Variants in CSMD1 observed in about 807,000 individuals in gnomAD.
CSMD1 encodes the protein CUB and sushi domain-containing protein 1.
CSMD1 carries 213 observed loss-of-function variants against 417.5 expected under a neutral mutation model. The observed-to-expected ratio is 0.51, with a 90% CI of 0.46 to 0.57. The LOEUF (loss-of-function observed/expected upper bound fraction) is 0.57, where lower values mean the gene tolerates loss of function less well. Ranked by LOEUF, CSMD1 falls within the 20% of genes least tolerant of loss-of-function variation. CSMD1 has a pLI of 0.00. For missense variants in CSMD1, 6,923 were observed against 4,529.7 expected (o/e 1.53, Z -15.17); for synonymous variants, 2,862 against 1,736.8 (o/e 1.65, Z -16.11).
chr8:3,090,760 A>G (rs76479395), intron 48 of CSMD1, among the ~76,000 whole-genome samples: 2 of 152,354 alleles, frequency 1.3e-5, no homozygotes, highest in South Asian at 2.1e-4. Flanking sequence ...AGATTTTGAG[A>G]AAAGTTTAGA....
chr8:4,362,635 C>A (rs1163336927), intron 3 of CSMD1, among the ~76,000 whole-genome samples: 1 of 152,080 alleles, frequency 6.6e-6, no homozygotes, highest in East Asian at 1.9e-4. Context: ...AGTTTGCTAC[C>A]CCCTCTACTG....
intron 21 of CSMD1, among the ~76,000 whole-genome samples, chr8:3,350,377 C>T (rs1808338374): frequency 6.6e-6 from 1 of 151,776 alleles, no homozygotes. Flanking sequence ...GTCAATAAAC[C>T]CCATTTACAG....
chr8:3,138,759 G>C (rs896793003), intron 41 of CSMD1, among the ~76,000 whole-genome samples: 7 of 152,202 alleles, frequency 4.6e-5, no homozygotes, highest in African/African-American at 1.7e-4. Flanking sequence ...TGAGAATCGA[G>C]ACAGAGAAAG....
chr8:4,953,336 T>C (rs1178987901), intron 1 of CSMD1, among the ~76,000 whole-genome samples: 1 of 152,172 alleles, frequency 6.6e-6, no homozygotes, highest in Non-Finnish European at 1.5e-5. Flanking sequence ...TTGTAACTTT[T>C]CATTAACAGA....
chr8:3,235,405 G>T (rs1208611004), intron 26 of CSMD1, among the ~76,000 whole-genome samples: 1 of 152,036 alleles, frequency 6.6e-6, no homozygotes, highest in Non-Finnish European at 1.5e-5. Context: ...GAATTTTAAC[G>T]GATATATCAG....
chr8:4,290,129 A>C (rs1359530393), intron 3 of CSMD1, among the ~76,000 whole-genome samples: 1 of 152,210 alleles, frequency 6.6e-6, no homozygotes. Context: ...AAATACAAAC[A>C]GGCAGGGAGT....
intron 1 of CSMD1, among the ~76,000 whole-genome samples, chr8:4,742,821 A>G (rs1280731465): frequency 2.0e-5 from 3 of 152,220 alleles, no homozygotes; most frequent in African/African-American, 7.2e-5. Flanking sequence ...ATTTTTCTGT[A>G]GAGCATTTTT....
chr8:4,365,442 A>G (rs1212795019), intron 3 of CSMD1, among the ~76,000 whole-genome samples: 1 of 152,134 alleles, frequency 6.6e-6, no homozygotes, highest in African/African-American at 2.4e-5. Flanking sequence ...AAAAGACAAC[A>G]TTTCTTTTTA....
intron 47 of CSMD1, among the ~76,000 whole-genome samples, chr8:3,095,959 A>T (rs1242993758): frequency 2.0e-5 from 3 of 152,156 alleles, no homozygotes; most frequent in African/African-American, 7.2e-5. Context: ...AAAGAATCAC[A>T]CTTGAAAAAC....
intron 10 of CSMD1, among the ~76,000 whole-genome samples, chr8:3,508,708 T>C (rs889495967): frequency 6.6e-6 from 1 of 152,126 alleles, no homozygotes; most frequent in Non-Finnish European, 1.5e-5. Flanking sequence ...GAGTTTTATG[T>C]CATGAATATT....
At chr8:4,136,074 A>G (rs898271896) in intron 3 of CSMD1, among the ~76,000 whole-genome samples, 5 of 152,204 alleles carry the variant, frequency 3.3e-5, no homozygotes, top group Non-Finnish European at 5.9e-5. Context: ...GAGAAAAAAA[A>G]TGAACTGACT....
At chr8:3,820,222 G>A (rs1801651153) in intron 5 of CSMD1, among the ~76,000 whole-genome samples, 1 of 152,126 alleles carries the variant, frequency 6.6e-6, no homozygotes, top group South Asian at 2.1e-4. Context: ...GAGGTCAGGG[G>A]TCAGCCATAT....
At chr8:4,320,621 T>A (rs979547626) in intron 3 of CSMD1, among the ~76,000 whole-genome samples, 2 of 152,152 alleles carry the variant, frequency 1.3e-5, no homozygotes, top group Non-Finnish European at 2.9e-5. Context: ...TGGCTTTCTG[T>A]TCTTGTGTTA....
At chr8:4,948,026 C>T (rs963231002) in intron 1 of CSMD1, among the ~76,000 whole-genome samples, 1 of 151,940 alleles carries the variant, frequency 6.6e-6, no homozygotes, top group Non-Finnish European at 1.5e-5. Context: ...TTGTGTTACA[C>T]ATTCACTTTT....
intron 7 of CSMD1, among the ~76,000 whole-genome samples, chr8:3,645,396 G>C (rs1447429823): frequency 6.6e-6 from 1 of 152,220 alleles, no homozygotes; most frequent in African/African-American, 2.4e-5. Flanking sequence ...TTGAAGCTCG[G>C]CTTCGGGTGT....
intron 37 of CSMD1, among the ~76,000 whole-genome samples, chr8:3,166,394 C>A (rs921482865): frequency 2.6e-5 from 4 of 151,946 alleles, no homozygotes; most frequent in African/African-American, 9.7e-5. Context: ...AGTACCCGGG[C>A]GTGGTGGTGT....
At chr8:4,260,440 A>G (rs1585115959) in intron 3 of CSMD1, among the ~76,000 whole-genome samples, 1 of 152,150 alleles carries the variant, frequency 6.6e-6, no homozygotes, top group African/African-American at 2.4e-5. Flanking sequence ...TATGTACTTT[A>G]CTGAGTGTGG....
At chr8:3,390,941 G>A (rs1472269764) in intron 17 of CSMD1, among the ~76,000 whole-genome samples, 1 of 151,994 alleles carries the variant, frequency 6.6e-6, no homozygotes, top group African/African-American at 2.4e-5. Flanking sequence ...AGTTGATAAA[G>A]CCAGTGAGCC....
In CSMD1 at chr8:3,796,723, A is replaced by C. The variant is rs117133957; in HGVS notation, c.819-42681T>G. 5.4e-3 allele frequency among the ~76,000 whole-genome samples: 823 copies of C among 151,104 alleles called. 6 individuals are homozygous for C. The highest frequency in any genetic ancestry group is 6.6e-3 in the Non-Finnish European group (444 of 67,490). On this transcript the variant is annotated intron_variant, in intron 5 of 69. Transcript: ENST00000635120. ...ATGAGAATGGGTAGGAAACAATTCT[A>C]TATGTCACCTTGTTATAGGTGGTTG...
Sources: allele counts gnomAD v4.1 joint callset (sites outside exome capture counted in the v4.1 genomes callset), GRCh38; gene constraint gnomAD v4.1.1; transcripts MANE v1.5; gene names NCBI Gene and HGNC (gene_info 2026-07-23, HGNC 2026-07-21).